The following LAMA3 variants were observed in gnomAD, a reference collection of about 807,000 sequenced individuals.
LAMA3 encodes laminin subunit alpha-3.
In LAMA3, 281 loss-of-function variants were observed where a neutral mutation model predicts 402.0. That is an observed-to-expected ratio of 0.70 (90% confidence interval 0.63 to 0.77). The LOEUF is 0.77. LAMA3 is among the 30% of genes least tolerant of loss of function. LAMA3 has a pLI of 0.00. For missense variants in LAMA3, 3,840 were observed against 4,215.5 expected (o/e 0.91, Z 2.47); for synonymous variants, 1,431 against 1,558.4 (o/e 0.92, Z 1.93).
At chr18:23,735,725 G>A (rs934162243) in intron 2 of LAMA3, among the ~76,000 whole-genome samples, 6 of 152,068 alleles carry the variant, frequency 3.9e-5, no homozygotes, top group South Asian at 2.1e-4. Flanking sequence ...AATGCAGAGC[G>A]TCCCCCTAGG....
At chr18:23,810,282 C>G in intron 12 of LAMA3, 84 bp from the exon 13 acceptor site, 1 of 1,533,414 alleles carries the variant, frequency 6.5e-7, no homozygotes, top group Admixed American at 1.7e-5. Flanking sequence ...CTGGCTCCAC[C>G]CTCATGCTCT....
chr18:23,888,746 C>T (rs2080529089), intron 41 of LAMA3, among the ~76,000 whole-genome samples: 1 of 151,886 alleles, frequency 6.6e-6, no homozygotes, highest in Non-Finnish European at 1.5e-5. Flanking sequence ...TTTTTTGATG[C>T]AGTGCTTAAA....
intron 2 of LAMA3, among the ~76,000 whole-genome samples, chr18:23,718,528 C>T (rs1439775802): frequency 6.6e-6 from 1 of 152,156 alleles, no homozygotes; most frequent in Non-Finnish European, 1.5e-5. Flanking sequence ...ATCCCTCACC[C>T]CCAACATCAA....
At chr18:23,764,034 G>A (rs1287229231) in intron 8 of LAMA3, among the ~76,000 whole-genome samples, 2 of 152,140 alleles carry the variant, frequency 1.3e-5, no homozygotes, top group Non-Finnish European at 2.9e-5. Context: ...AGTGTATGGC[G>A]GAAGAGGGCA....
intron 2 of LAMA3, among the ~76,000 whole-genome samples, chr18:23,719,007 TC>T (rs919995817): frequency 6.6e-6 from 1 of 152,198 alleles, no homozygotes; most frequent in African/African-American, 2.4e-5. Flanking sequence ...CCTCAGAGTG[TC>T]CCTGGTAGGA....
chr18:23,819,000 G>A (rs1332410833), intron 18 of LAMA3, among the ~76,000 whole-genome samples: 2 of 151,974 alleles, frequency 1.3e-5, no homozygotes, highest in African/African-American at 4.8e-5. Flanking sequence ...AGAATTACTG[G>A]GTCAATATGT....
intron 49 of LAMA3, among the ~76,000 whole-genome samples, chr18:23,903,358 T>C (rs992389972): frequency 1.3e-4 from 20 of 152,198 alleles, no homozygotes; most frequent in African/African-American, 4.8e-4. Flanking sequence ...AAATCACTTT[T>C]GTGATAGCAA....
rs1328191000 is a variant in LAMA3, at chr18:23,879,100, G to A, written c.5112+2693G>A. 1.4e-5 allele frequency among the ~76,000 whole-genome samples: 2 copies of A among 147,838 alleles called. No homozygotes were observed. Among genetic ancestry groups the A allele is most frequent in the Admixed American group, 6.9e-5 (1 of 14,458 alleles). ...CTTCATCTTCCTTCTTTTATTTTCT[G>A]CTACTTGAGCCCATCTTCCCCTCTG... On this transcript the variant is annotated intron_variant, in intron 39 of 74. Coordinates refer to ENST00000313654, the MANE Select transcript of LAMA3 (RefSeq NM_198129.4). The surrounding 1 kb of genome is among the most constrained non-coding windows in gnomAD (Gnocchi z 4.2).
chr18:23,798,132 C>T (rs892348858), intron 12 of LAMA3, among the ~76,000 whole-genome samples: 1 of 152,120 alleles, frequency 6.6e-6, no homozygotes, highest in African/African-American at 2.4e-5. Flanking sequence ...TCTTCCTCTT[C>T]CTCTTCCTCT....
At chr18:23,710,880 C>T (rs182772828) in intron 1 of LAMA3, among the ~76,000 whole-genome samples, 1 of 152,088 alleles carries the variant, frequency 6.6e-6, no homozygotes, top group East Asian at 1.9e-4. Flanking sequence ...TCAATGTTTA[C>T]ACTGATCTTT....
chr18:23,799,028 A>T (rs1382843201), intron 12 of LAMA3, among the ~76,000 whole-genome samples: 1 of 152,236 alleles, frequency 6.6e-6, no homozygotes, highest in Non-Finnish European at 1.5e-5. Context: ...CTGGACCCGA[A>T]GAAGGATTTC....
chr18:23,715,859 A>G (rs777806737), intron 2 of LAMA3, among the ~76,000 whole-genome samples: 10 of 152,236 alleles, frequency 6.6e-5, no homozygotes, highest in Non-Finnish European at 8.8e-5. Flanking sequence ...ATCCCATAGC[A>G]TAGAAATGGA....
intron 12 of LAMA3, 102 bp downstream of exon 12, chr18:23,784,259 T>C: frequency 1.4e-6 from 2 of 1,385,320 alleles, no homozygotes; most frequent in Non-Finnish European, 2.0e-6. Context: ...GCTTGCAGTT[T>C]AATAAATGGG....
At chr18:23,861,945 TGAGGAAGA>T in intron 35 of LAMA3, 138 bp downstream of exon 35, 1 of 973,542 alleles carries the variant, frequency 1.0e-6, no homozygotes. Flanking sequence ...GAACTAAAAG[TGAGGAAGA>T]GACCCTGCCT....
At chr18:23,730,432 A>T (rs2061374209) in intron 2 of LAMA3, among the ~76,000 whole-genome samples, 1 of 145,708 alleles carries the variant, frequency 6.9e-6, no homozygotes, top group South Asian at 2.1e-4. Flanking sequence ...GCAATGTGCA[A>T]TCTTGGCTCA....
intron 37 of LAMA3, among the ~76,000 whole-genome samples, chr18:23,869,653 A>G (rs1442566017): frequency 6.6e-6 from 1 of 152,232 alleles, no homozygotes; most frequent in African/African-American, 2.4e-5. Flanking sequence ...CTTTATATAT[A>G]TTGTATCATT....
Position 23,775,935 on chromosome 18 carries a change from C to T in LAMA3, c.1405+12C>T, listed in dbSNP as rs376236941. 9.3e-6 allele frequency: 15 copies of T among 1,613,986 alleles called. No individual in the cohort carries two copies. Among genetic ancestry groups the T allele is most frequent in the African/African-American group, 4.0e-5 (3 of 74,920 alleles). On this transcript the variant is annotated intron_variant, in intron 10 of 74. Coordinates refer to ENST00000313654, the MANE Select transcript of LAMA3 (RefSeq NM_198129.4). ...CCCATTTTGCTTGAGTAAGTACCCA[C>T]TGCAGAACAAGAGGCCACCCTTTTT...
At chr18:23,812,747 A>G (rs1323158306) in intron 13 of LAMA3, among the ~76,000 whole-genome samples, 1 of 152,214 alleles carries the variant, frequency 6.6e-6, no homozygotes, top group East Asian at 1.9e-4. Context: ...CTTCTGGACA[A>G]TACTAATGAT....
intron 62 of LAMA3, among the ~76,000 whole-genome samples, chr18:23,927,458 C>T (rs1022728949): frequency 6.6e-6 from 1 of 152,242 alleles, no homozygotes; most frequent in South Asian, 2.1e-4. Context: ...CATGAGCCAC[C>T]CCACCCGGCC....
Sources: allele counts gnomAD v4.1 joint callset (sites outside exome capture counted in the v4.1 genomes callset), GRCh38; gene constraint gnomAD v4.1.1; non-coding constraint Gnocchi (gnomAD v3.1); transcripts MANE v1.5; gene names NCBI Gene and HGNC (gene_info 2026-07-23, HGNC 2026-07-21).